The following PGPEP1L variants were observed in gnomAD, a reference collection of about 807,000 sequenced individuals.
PGPEP1L encodes pyroglutamyl-peptidase I like.
In PGPEP1L, 7 loss-of-function variants were observed where a neutral mutation model predicts 6.0. The observed-to-expected ratio is 1.17, with a 90% CI of 0.66 to 2.19. The LOEUF is 2.19. Among genes scored for constraint, PGPEP1L ranks in the 30% most tolerant of loss-of-function variants. The pLI is 0.00. For synonymous variants in PGPEP1L, 103 were observed against 83.9 expected (o/e 1.23, Z -1.24); for missense variants, 209 against 192.5 (o/e 1.09, Z -0.51).
Position 98,971,165 on chromosome 15 carries a change from AAAGCGGC to A in PGPEP1L, c.-141-14_-141-8del, listed in dbSNP as rs753406629. The stretch of plus-strand genomic sequence containing the variant: ...GGCCCAGCTTGGAGAGCTCCTGAGG[AAAGCGGC>A]AGGTGGACTTGCCTCAGTTGATGGG... On this transcript the variant is annotated splice_polypyrimidine_tract_variant and splice_region_variant and intron_variant, in intron 2 of 4. Transcript: ENST00000535714. The A allele has an allele frequency of 1.4e-6, 2 of 1,395,306 alleles. No homozygotes were observed. The highest frequency in any genetic ancestry group is 4.1e-4 in the Middle Eastern group (2 of 4,878). The allele number at this position is 1,395,306 out of a possible 1,614,324, so 86.4% of individuals were successfully genotyped here. A position where few individuals can be genotyped will look rare whatever the true frequency, so the allele number is the denominator to read the frequency against.
At chr15:98,992,162 T>C (rs2017828471) in intron 2 of PGPEP1L, among the ~76,000 whole-genome samples, 1 of 152,152 alleles carries the variant, frequency 6.6e-6, no homozygotes, top group Admixed American at 6.5e-5. Context: ...TCAAATTGTC[T>C]CTGTTTGCAG....
chr15:99,004,543 C>A (rs1378825986), intron 2 of PGPEP1L, among the ~76,000 whole-genome samples: 10 of 152,132 alleles, frequency 6.6e-5, no homozygotes, highest in South Asian at 2.1e-4. Flanking sequence ...CATGGTGAAA[C>A]CCCATCTCTA....
intron 1 of PGPEP1L, among the ~76,000 whole-genome samples, chr15:99,006,631 T>A (rs781896160): frequency 5.3e-5 from 8 of 152,158 alleles, no homozygotes; most frequent in Admixed American, 1.3e-4. Context: ...GAGTTCAAGA[T>A]CAACCTGGGC....
intron 2 of PGPEP1L, among the ~76,000 whole-genome samples, chr15:98,982,340 A>T (rs1445056022): frequency 7.0e-6 from 1 of 142,164 alleles, no homozygotes; most frequent in Non-Finnish European, 1.5e-5. Flanking sequence ...CAGTCCCCAT[A>T]TTCTTGTGGA....
chr15:98,969,892 T>G (rs1303777231), intron 3 of PGPEP1L, among the ~76,000 whole-genome samples: 1 of 152,164 alleles, frequency 6.6e-6, no homozygotes. Flanking sequence ...ATTTAAATGC[T>G]TTTTACTTCA....
At chr15:98,969,780 T>G in intron 3 of PGPEP1L, 129 bp from the exon 4 acceptor site, 2 of 881,226 alleles carry the variant, frequency 2.3e-6, no homozygotes, top group South Asian at 1.5e-5. Flanking sequence ...CCAAATCCAC[T>G]GGGAAACCCC....
At chr15:98,979,451 G>A (rs1217163282) in intron 2 of PGPEP1L, among the ~76,000 whole-genome samples, 3 of 152,154 alleles carry the variant, frequency 2.0e-5, no homozygotes, top group Admixed American at 2.0e-4. Flanking sequence ...TATAAGTAGT[G>A]TGGTTATTTA....
rs369749842 is a variant in PGPEP1L, at chr15:98,982,700, C to CTTT, written c.-141-11545_-141-11543dup. On this transcript the variant is annotated intron_variant, in intron 2 of 4. Coordinates refer to ENST00000535714, the MANE Select transcript of PGPEP1L (RefSeq NM_001167902.2). Reference sequence around the variant, plus strand: ...TCACTCTGGTTATTTTTATCTGAGGCTTTTTTTTTTTTTTTTTTTTTTTTT... The same window carrying CTTT: ...TCACTCTGGTTATTTTTATCTGAGGCTTTTTTTTTTTTTTTTTTTTTTTTTTTT... Among the ~76,000 whole-genome samples, 55 of 52,498 alleles carry CTTT rather than the reference C, an allele frequency of 1.0e-3. 8 individuals carry two copies. Among genetic ancestry groups the CTTT allele is most frequent in the African/African-American group, 1.8e-3 (35 of 19,486 alleles). 34.4% of individuals were successfully genotyped at this position (52,498 alleles called of 152,430 possible). A position where few individuals can be genotyped will look rare whatever the true frequency, so the allele number is the denominator to read the frequency against.
At chr15:98,998,368 A>G (rs1405687597) in intron 2 of PGPEP1L, among the ~76,000 whole-genome samples, 1 of 152,090 alleles carries the variant, frequency 6.6e-6, no homozygotes, top group Non-Finnish European at 1.5e-5. Context: ...GAGTCCTCAC[A>G]TGTGAGGCAT....
intron 2 of PGPEP1L, among the ~76,000 whole-genome samples, chr15:98,992,204 C>A (rs558641926): frequency 8.1e-4 from 124 of 152,300 alleles, no homozygotes; most frequent in African/African-American, 2.8e-3. Flanking sequence ...AAAACCCCAT[C>A]GTCTCAGCCC....
At chr15:98,969,838 C>A (rs961883731) in intron 3 of PGPEP1L, among the ~76,000 whole-genome samples, 187 bp from the exon 4 acceptor site, 2 of 152,138 alleles carry the variant, frequency 1.3e-5, no homozygotes, top group African/African-American at 4.8e-5. Flanking sequence ...GAAAGAAAAA[C>A]AGCTGGATTC....
intron 2 of PGPEP1L, among the ~76,000 whole-genome samples, chr15:98,988,978 G>A (rs2017784844): frequency 6.6e-6 from 1 of 152,074 alleles, no homozygotes; most frequent in African/African-American, 2.4e-5. Context: ...CCATTTGAAG[G>A]TCACCAACAT....
intron 2 of PGPEP1L, among the ~76,000 whole-genome samples, chr15:98,989,721 C>A (rs1057068910): frequency 1.3e-5 from 2 of 152,146 alleles, no homozygotes; most frequent in African/African-American, 4.8e-5. Flanking sequence ...ATGTTAAGGG[C>A]ACCCAGAGAG....
At chr15:99,005,116 C>T (rs1406069901) in intron 2 of PGPEP1L, among the ~76,000 whole-genome samples, 70 of 152,278 alleles carry the variant, frequency 4.6e-4, no homozygotes, top group African/African-American at 1.2e-3. Flanking sequence ...AAAACAGGTA[C>T]CAGCCTCAGC....
At position 99,007,727 on chromosome 15, in the gene PGPEP1L, C is replaced by T. The variant is rs549950833; in HGVS notation, c.-738G>A. On this transcript the variant is annotated 5_prime_UTR_variant, in exon 1 of 5. Coordinates refer to ENST00000535714, the MANE Select transcript of PGPEP1L (RefSeq NM_001167902.2). ...GGACCCAAACAGTAAGCAGCAGCAA[C>T]GGTTATTGCAAACAAGCAAAACAAC... 2 of 152,352 alleles carry T rather than the reference C, an allele frequency of 1.3e-5. No individual in the cohort carries two copies. Among genetic ancestry groups the T allele is most frequent in the South Asian group, 2.1e-4 (1 of 4,824 alleles). 9.4% of individuals were successfully genotyped at this position (152,352 alleles called of 1,614,324 possible). A position where few individuals can be genotyped will look rare whatever the true frequency, so the allele number is the denominator to read the frequency against.
At chr15:98,984,658 C>T (rs1395117347) in intron 2 of PGPEP1L, among the ~76,000 whole-genome samples, 1 of 152,122 alleles carries the variant, frequency 6.6e-6, no homozygotes, top group East Asian at 1.9e-4. Context: ...TATACTGGCA[C>T]TTTCAGTGGG....
At chr15:98,983,953 A>G (rs1395148642) in intron 2 of PGPEP1L, among the ~76,000 whole-genome samples, 1 of 150,592 alleles carries the variant, frequency 6.6e-6, no homozygotes, top group Non-Finnish European at 1.5e-5. Context: ...TTTTTTCCTT[A>G]CTATCTATAA....
intron 2 of PGPEP1L, among the ~76,000 whole-genome samples, chr15:98,975,169 A>G (rs1023511466): frequency 6.6e-6 from 1 of 152,252 alleles, no homozygotes; most frequent in Non-Finnish European, 1.5e-5. Flanking sequence ...TGTCATTTGT[A>G]GCAACATGGA....
intron 2 of PGPEP1L, among the ~76,000 whole-genome samples, chr15:98,988,415 C>G (rs1218813554): frequency 6.6e-6 from 1 of 152,164 alleles, no homozygotes; most frequent in Admixed American, 6.5e-5. Context: ...CTCAGCAAGG[C>G]CACTGCGGCC....
Sources: allele counts gnomAD v4.1 joint callset (sites outside exome capture counted in the v4.1 genomes callset), GRCh38; gene constraint gnomAD v4.1.1; transcripts MANE v1.5; gene names NCBI Gene and HGNC (gene_info 2026-07-23, HGNC 2026-07-21).